Variants in GUCY1B1 observed in about 807,000 individuals in gnomAD.
GUCY1B1 encodes guanylate cyclase soluble subunit beta-1.
In GUCY1B1, 43 loss-of-function variants were observed where a neutral mutation model predicts 71.0. The ratio of observed to expected loss-of-function variants is 0.61; its 90% CI spans 0.47 to 0.78. GUCY1B1 has a LOEUF of 0.78. Ranked by LOEUF, GUCY1B1 falls within the 30% of genes least tolerant of loss-of-function variation. The pLI is 0.00. For synonymous variants in GUCY1B1, 266 were observed against 259.7 expected (o/e 1.02, Z -0.23); for missense variants, 535 against 754.1 (o/e 0.71, Z 3.40).
At position 155,789,863 on chromosome 4, in the gene GUCY1B1, C is replaced by A. The variant is rs760371607; in HGVS notation, c.447C>A (p.Ile149=). The A allele has an allele frequency of 3.7e-6, 6 of 1,612,806 alleles. No individual in the cohort carries two copies. Among genetic ancestry groups the A allele is most frequent in the South Asian group, 1.1e-5 (1 of 90,968 alleles). ...GACTTCAGGATATTGTCATTGGAAT[C>A]ATCAAAACAGTGGCACAACAAATCC... ...REGLQDIVIG[I]IKTVAQQIHG... The change falls in exon 5 of 14, where the codon ATC becomes ATA. Residue 149 remains isoleucine, a synonymous_variant. Transcript: ENST00000264424.
At position 155,806,548 on chromosome 4, in the gene GUCY1B1, AT is replaced by A; in HGVS notation, c.*140del. 1.6e-6 allele frequency: 1 copy of A among 608,632 alleles called. No individual in the cohort carries two copies. The highest frequency in any genetic ancestry group is 3.0e-6 in the Non-Finnish European group (1 of 335,128). The allele number at this position is 608,632 out of a possible 1,614,324, so 37.7% of individuals were successfully genotyped here. On this transcript the variant is annotated 3_prime_UTR_variant, in exon 14 of 14. Coordinates refer to ENST00000264424, the MANE Select transcript of GUCY1B1 (RefSeq NM_000857.5). ...CCATTACCCCAAGACTTTCTTCTAG[AT>A]ATATCTCTCACTATCCGTTATTCAA... is the stretch of plus-strand genomic sequence containing the variant.
In GUCY1B1 at chr4:155,800,072, CA is replaced by C. The variant is rs1739838902; in HGVS notation, c.1174del (p.Thr392HisfsTer29). The C allele has an allele frequency of 6.2e-7, 1 of 1,602,786 alleles. No homozygotes were observed. The highest frequency in any genetic ancestry group is 8.5e-7 in the Non-Finnish European group (1 of 1,171,366). On this transcript the variant is annotated frameshift_variant and splice_region_variant, in exon 9 of 14. Coordinates refer to ENST00000264424, the MANE Select transcript of GUCY1B1 (RefSeq NM_000857.5). LOFTEE classifies it high-confidence loss of function. ...TGGAAGATGAAAAGAAAAAGACAGA[CA>C]CGTAAGAATGTAACGCTTGGAGCAC... Reference protein sequence around the residue: ...ALEDEKKKTDTLLYSVLPPSV... With the variant: ...ALEDEKKKTDXLLYSVLPPSV...
intron 4 of GUCY1B1, chr4:155,785,376 G>A: frequency 1.2e-6 from 1 of 844,908 alleles, no homozygotes; most frequent in Middle Eastern, 2.2e-4. Flanking sequence ...TCATACATAT[G>A]GACATACTTC....
At chr4:155,795,937 A>G (rs993003262) in intron 7 of GUCY1B1, among the ~76,000 whole-genome samples, 4 of 152,166 alleles carry the variant, frequency 2.6e-5, no homozygotes, top group African/African-American at 9.6e-5. Flanking sequence ...TTCTTGGGAT[A>G]GATACAGCAA....
intron 2 of GUCY1B1, among the ~76,000 whole-genome samples, chr4:155,766,733 A>G (rs1359209742): frequency 6.6e-6 from 1 of 152,156 alleles, no homozygotes; most frequent in Non-Finnish European, 1.5e-5. Flanking sequence ...ACTAGATTGG[A>G]TTCAGGACAT....
intron 4 of GUCY1B1, among the ~76,000 whole-genome samples, chr4:155,780,065 C>T (rs1204643087): frequency 6.6e-6 from 1 of 152,116 alleles, no homozygotes; most frequent in African/African-American, 2.4e-5. Flanking sequence ...TCTTCTCCAT[C>T]CTATAACTCT....
intron 5 of GUCY1B1, among the ~76,000 whole-genome samples, chr4:155,791,646 G>A (rs1579237177): frequency 1.3e-5 from 2 of 150,580 alleles, no homozygotes; most frequent in East Asian, 2.0e-4. Context: ...CAGAAGAATC[G>A]CTTGAACCCG....
chr4:155,771,808 T>C (rs1388023239), intron 2 of GUCY1B1, among the ~76,000 whole-genome samples: 1 of 152,136 alleles, frequency 6.6e-6, no homozygotes, highest in African/African-American at 2.4e-5. Context: ...TACCAAGACT[T>C]CAATATGTCT....
At chr4:155,801,615 G>A (rs537289922) in intron 9 of GUCY1B1, among the ~76,000 whole-genome samples, 1 of 152,238 alleles carries the variant, frequency 6.6e-6, no homozygotes, top group Non-Finnish European at 1.5e-5. Context: ...GGAAGAAAAA[G>A]GCAGGAAGGC....
intron 4 of GUCY1B1, among the ~76,000 whole-genome samples, chr4:155,787,111 A>G (rs1002289015): frequency 6.6e-6 from 1 of 152,048 alleles, no homozygotes; most frequent in Non-Finnish European, 1.5e-5. Context: ...GGGGTCTGAG[A>G]GGGCTATGAA....
rs1341556379 is a variant in GUCY1B1, at chr4:155,771,856, A to G, written c.78-3112A>G. ...TATGCAGCCATGGTATAGAAGTATA[A>G]TTATGATATGAAAAGATATCCATCA... On this transcript the variant is annotated intron_variant, in intron 2 of 13. Transcript: ENST00000264424. Among the ~76,000 whole-genome samples the G allele has an allele frequency of 2.0e-5, 3 of 152,210 alleles. No individual in the cohort carries two copies. In the East Asian group the frequency reaches 5.8e-4, roughly 29 times the overall value.
chr4:155,803,719 G>T lies in GUCY1B1; in HGVS notation c.1509G>T (p.Met503Ile). Residue 503 changes from methionine (M) to isoleucine (I), a missense_variant, in exon 11 of 14, where the codon ATG becomes ATT. By Grantham distance (10) the Met-to-Ile change is conservative. Coordinates refer to ENST00000264424, the MANE Select transcript of GUCY1B1 (RefSeq NM_000857.5). Reference sequence around the variant, plus strand: ...CCATCTGCCACCTGGCCTTGGACATGATGGAAATTGCTGGCCAGGTTCAAG... The same window carrying T: ...CCATCTGCCACCTGGCCTTGGACATTATGGAAATTGCTGGCCAGGTTCAAG... ...ARSICHLALD[M>I]MEIAGQVQVD... 1 of 1,601,508 alleles carries T rather than the reference G, an allele frequency of 6.2e-7. No homozygotes were observed. Among genetic ancestry groups the T allele is most frequent in the Non-Finnish European group, 8.5e-7 (1 of 1,173,804 alleles).
intron 2 of GUCY1B1, among the ~76,000 whole-genome samples, chr4:155,767,261 G>A (rs954672348): frequency 2.6e-5 from 4 of 152,226 alleles, no homozygotes; most frequent in East Asian, 1.9e-4. Flanking sequence ...TCAAGCATGC[G>A]TACAGGTGAT....
At chr4:155,800,097 A>C (rs1479572870) in intron 9 of GUCY1B1, 23 bp downstream of exon 9, 1 of 1,513,936 alleles carries the variant, frequency 6.6e-7, no homozygotes, top group Non-Finnish European at 9.1e-7. Context: ...CGCTTGGAGC[A>C]CTACTGTTAT....
chr4:155,793,005 A>T lies in GUCY1B1; in HGVS notation c.496-851A>T, dbSNP rs961137626. On this transcript the variant is annotated intron_variant, in intron 5 of 13. Coordinates refer to ENST00000264424, the MANE Select transcript of GUCY1B1 (RefSeq NM_000857.5). ...GTCAATTTATCCTTCAGAAAGATTA[A>T]TCAAAATACCCCCTCATCAGTGGTA... Among the ~76,000 whole-genome samples the T allele has an allele frequency of 4.6e-5, 7 of 152,308 alleles. No individual in the cohort carries two copies. The East Asian group carries it at 1.3e-3, about 29-fold the overall frequency.
intron 2 of GUCY1B1, among the ~76,000 whole-genome samples, chr4:155,774,313 C>A (rs1285568301): frequency 6.6e-6 from 1 of 152,138 alleles, no homozygotes; most frequent in Non-Finnish European, 1.5e-5. Context: ...TCCTGCCTTG[C>A]CCTTTGCACT....
At chr4:155,765,881 C>G (rs929742565) in intron 2 of GUCY1B1, among the ~76,000 whole-genome samples, 3 of 152,170 alleles carry the variant, frequency 2.0e-5, no homozygotes, top group Admixed American at 6.6e-5. Context: ...AAACACCTCT[C>G]AGCTTTGAGA....
At chr4:155,759,749 C>G in intron 1 of GUCY1B1, 38 bp from the exon 2 acceptor site, 1 of 1,490,676 alleles carries the variant, frequency 6.7e-7, no homozygotes, top group Middle Eastern at 1.7e-4. Context: ...TCAGGTACAG[C>G]GGGTCCCTGA....
In GUCY1B1 at chr4:155,759,090, C is replaced by A; in HGVS notation, c.-51C>A. ...GCTGCCGCCTCTGCCTGGGTCCCTT[C>A]GGCCGTACCTCTGCGTGGGGGCTGC... On this transcript the variant is annotated 5_prime_UTR_variant, in exon 1 of 14. An upstream open reading frame in the 5' UTR gains an earlier in-frame stop. Transcript: ENST00000264424. The A allele has an allele frequency of 1.3e-6, 2 of 1,577,762 alleles. No individual in the cohort carries two copies. Among genetic ancestry groups the A allele is most frequent in the Non-Finnish European group, 1.7e-6 (2 of 1,161,356 alleles).
Sources: allele counts gnomAD v4.1 joint callset (sites outside exome capture counted in the v4.1 genomes callset), GRCh38; gene constraint gnomAD v4.1.1; transcripts MANE v1.5; gene names NCBI Gene and HGNC (gene_info 2026-07-23, HGNC 2026-07-21).